Variants in SDC3 observed in about 807,000 individuals in gnomAD.
The protein encoded by SDC3 is syndecan-3.
SDC3 carries 13 observed loss-of-function variants against 24.4 expected under a neutral mutation model. The observed-to-expected ratio is 0.53, with a 90% CI of 0.35 to 0.85. The LOEUF is 0.85. Ranked by LOEUF, SDC3 falls within the 40% of genes least tolerant of loss-of-function variation. The pLI is 0.01. For synonymous variants in SDC3, 295 were observed against 260.9 expected, an observed-to-expected ratio of 1.13 and a Z score of -1.26; for missense variants, 571 against 584.5, an observed-to-expected ratio of 0.98 and a Z score of 0.24.
intron 1 of SDC3, among the ~76,000 whole-genome samples, chr1:30,900,913 C>T (rs576063901): frequency 6.6e-6 from 1 of 152,136 alleles, no homozygotes; most frequent in South Asian, 2.1e-4. Flanking sequence ...GAAGCAGCAC[C>T]AGACAGCACC....
chr1:30,870,185 G>C lies in SDC3; in HGVS notation c.*3026C>G. Reference sequence around the variant, plus strand: ...CAGGCGGCTTTGCCAACCCCAGGGGGGTTTGGCCCACACACCCTAAGCCCT... The same window carrying C: ...CAGGCGGCTTTGCCAACCCCAGGGGCGTTTGGCCCACACACCCTAAGCCCT... On this transcript the variant is annotated 3_prime_UTR_variant, in exon 5 of 5. Coordinates refer to ENST00000339394, the MANE Select transcript of SDC3 (RefSeq NM_014654.4). 1 of 337,380 alleles carries C rather than the reference G, an allele frequency of 3.0e-6. No individual in the cohort carries two copies. Among genetic ancestry groups the C allele is most frequent in the East Asian group, 4.4e-5 (1 of 22,642 alleles). 20.9% of individuals were successfully genotyped at this position (337,380 alleles called of 1,614,324 possible). A position where few individuals can be genotyped will look rare whatever the true frequency, so the allele number is the denominator to read the frequency against.
intron 1 of SDC3, among the ~76,000 whole-genome samples, chr1:30,894,331 G>C (rs1429963483): frequency 1.4e-4 from 19 of 132,826 alleles, no homozygotes; most frequent in Non-Finnish European, 2.9e-4. Flanking sequence ...GTGTGGATGA[G>C]TGTGTGTGGG....
intron 1 of SDC3, among the ~76,000 whole-genome samples, chr1:30,879,826 C>T (rs1460658188): frequency 6.6e-6 from 1 of 152,194 alleles, no homozygotes; most frequent in East Asian, 1.9e-4. Flanking sequence ...CCCCAAGATT[C>T]CTCAGTGACC....
In SDC3 at chr1:30,906,971, C is replaced by T. The variant is rs553242229; in HGVS notation, c.138+1478G>A. 9.2e-5 allele frequency among the ~76,000 whole-genome samples: 14 copies of T among 152,314 alleles called. No individual in the cohort carries two copies. The South Asian group carries it at 2.7e-3, about 29-fold the overall frequency. On this transcript the variant is annotated intron_variant, in intron 1 of 4. Transcript: ENST00000339394. ...ACTTCACACAGGTCAGCCCTCAACA[C>T]TTCCCCTCCCTCCAGCTGACAGCCC...
At chr1:30,895,240 C>G (rs758653470) in intron 1 of SDC3, among the ~76,000 whole-genome samples, 2 of 152,190 alleles carry the variant, frequency 1.3e-5, no homozygotes, top group African/African-American at 4.8e-5. Flanking sequence ...GTTGCAGGTA[C>G]ACGCAAACCC....
chr1:30,897,674 G>C (rs1638300188), intron 1 of SDC3, among the ~76,000 whole-genome samples: 1 of 152,300 alleles, frequency 6.6e-6, no homozygotes, highest in East Asian at 1.9e-4. Context: ...GCATGAAGCA[G>C]TGCTTATGTA....
At chr1:30,881,091 C>T (rs1161028758) in intron 1 of SDC3, among the ~76,000 whole-genome samples, 1 of 151,182 alleles carries the variant, frequency 6.6e-6, no homozygotes, top group African/African-American at 2.4e-5. Context: ...TATTCTTCTG[C>T]ATGTACTATG....
chr1:30,895,472 C>G (rs1639987171), intron 1 of SDC3, among the ~76,000 whole-genome samples: 1 of 152,116 alleles, frequency 6.6e-6, no homozygotes, highest in Non-Finnish European at 1.5e-5. Flanking sequence ...GGGGCTTCAG[C>G]CCCGGGGAAG....
chr1:30,878,526 G>T, intron 2 of SDC3, 97 bp downstream of exon 2: 3 of 930,922 alleles, frequency 3.2e-6, no homozygotes, highest in Middle Eastern at 2.2e-4. Context: ...AATGCCCCCT[G>T]CCTCACTGAA....
At chr1:30,874,166 C>T (rs1198492452) in intron 4 of SDC3, 131 bp downstream of exon 4, 2 of 717,732 alleles carry the variant, frequency 2.8e-6, no homozygotes, top group Admixed American at 2.8e-5. Flanking sequence ...CTCAAGTTTC[C>T]TTCCTATCTG....
At position 30,872,995 on chromosome 1, in the gene SDC3, GAGCTCGTA is replaced by G. The variant is rs1639567039; in HGVS notation, c.*208_*215del. On this transcript the variant is annotated 3_prime_UTR_variant, in exon 5 of 5. Coordinates refer to ENST00000339394, the MANE Select transcript of SDC3 (RefSeq NM_014654.4). ...GGCAGGGATGAGGGGAACAAGAGAT[GAGCTCGTA>G]AGGGCACAGTCTGGGGCAGATGGCA... The G allele has an allele frequency of 1.8e-6, 1 of 558,264 alleles. No homozygotes were observed. The highest frequency in any genetic ancestry group is 3.2e-6 in the Non-Finnish European group (1 of 315,328). The allele number at this position is 558,264 out of a possible 1,614,324, so 34.6% of individuals were successfully genotyped here. A position where few individuals can be genotyped will look rare whatever the true frequency, so the allele number is the denominator to read the frequency against.
chr1:30,904,854 C>T (rs1048614779), intron 1 of SDC3, among the ~76,000 whole-genome samples: 8 of 152,184 alleles, frequency 5.3e-5, no homozygotes, highest in Non-Finnish European at 1.2e-4. Flanking sequence ...GAGCTCACTA[C>T]GTGGCAGGTG....
chr1:30,877,106 C>G lies in SDC3; in HGVS notation c.316G>C (p.Ala106Pro). Residue 106 changes from alanine (A) to proline (P), a missense_variant, in exon 3 of 5, where the codon GCG (alanine) becomes CCG (proline). Physicochemically the swap from Ala to Pro is conservative, Grantham distance 27. Around this residue, in one of 2 missense-constraint regions of SDC3, gnomAD observed 497 missense variants for 471.6 expected, o/e 1.05. Coordinates refer to ENST00000339394, the MANE Select transcript of SDC3 (RefSeq NM_014654.4). ...AGCACCGCAGGTGTGGTGGACACCG[C>G]CAGGGCTACATCTGGGCTGAAGCGC... ...AMRFSPDVALAVSTTPAVLPT... is the reference protein window; with the variant it reads ...AMRFSPDVALPVSTTPAVLPT... 1 of 1,614,018 alleles carries G rather than the reference C, an allele frequency of 6.2e-7. No individual in the cohort carries two copies. The highest frequency in any genetic ancestry group is 8.5e-7 in the Non-Finnish European group (1 of 1,179,978).
chr1:30,882,934 T>C (rs1263150320), intron 1 of SDC3, among the ~76,000 whole-genome samples: 1 of 152,216 alleles, frequency 6.6e-6, no homozygotes, highest in Non-Finnish European at 1.5e-5. Flanking sequence ...GCTCATAGCA[T>C]TGCTGTGGGA....
chr1:30,903,513 C>G (rs1638455044), intron 1 of SDC3, among the ~76,000 whole-genome samples: 1 of 152,140 alleles, frequency 6.6e-6, no homozygotes, highest in Non-Finnish European at 1.5e-5. Flanking sequence ...CCCCATACAC[C>G]CCCAGTGGCC....
intron 1 of SDC3, among the ~76,000 whole-genome samples, chr1:30,900,801 G>C (rs756447016): frequency 3.9e-5 from 6 of 152,144 alleles, no homozygotes; most frequent in Non-Finnish European, 8.8e-5. Flanking sequence ...TGGGCTGGCA[G>C]GCAGGGATGG....
Position 30,873,107 on chromosome 1 carries a change from T to A in SDC3, c.*104A>T. 2 of 814,446 alleles carry A rather than the reference T, an allele frequency of 2.5e-6. No individual in the cohort carries two copies. The highest frequency in any genetic ancestry group is 1.7e-5 in the African/African-American group (1 of 58,990). The allele number at this position is 814,446 out of a possible 1,614,324, so 50.5% of individuals were successfully genotyped here. A position where few individuals can be genotyped will look rare whatever the true frequency, so the allele number is the denominator to read the frequency against. ...CTTGGGAGAGAGGGCAGAGAAGAACTGGGGCCAGGTTCCAGGCCCAGTCCC... is the reference window on the plus strand; with the variant it reads ...CTTGGGAGAGAGGGCAGAGAAGAACAGGGGCCAGGTTCCAGGCCCAGTCCC... On this transcript the variant is annotated 3_prime_UTR_variant, in exon 5 of 5. Transcript: ENST00000339394.
At chr1:30,898,549 T>C (rs930144793) in intron 1 of SDC3, among the ~76,000 whole-genome samples, 1 of 152,132 alleles carries the variant, frequency 6.6e-6, no homozygotes, top group Admixed American at 6.5e-5. Context: ...TTGGAACTGA[T>C]GATCATGTTC....
chr1:30,892,837 C>A (rs1489779249), intron 1 of SDC3, among the ~76,000 whole-genome samples: 1 of 152,156 alleles, frequency 6.6e-6, no homozygotes, highest in African/African-American at 2.4e-5. Context: ...AGTGACCTGC[C>A]CAAGTTCACC....
Sources: allele counts gnomAD v4.1 joint callset (sites outside exome capture counted in the v4.1 genomes callset), GRCh38; gene constraint gnomAD v4.1.1; regional missense constraint gnomAD v4.1.1; transcripts MANE v1.5; gene names NCBI Gene and HGNC (gene_info 2026-07-23, HGNC 2026-07-21).